Variants in SNX9 observed in about 807,000 individuals in gnomAD.
The protein encoded by SNX9 is sorting nexin-9.
SNX9 carries 44 observed loss-of-function variants against 89.4 expected under a neutral mutation model. The observed-to-expected ratio is 0.49, with a 90% CI of 0.39 to 0.63. The LOEUF (loss-of-function observed/expected upper bound fraction) is 0.63. Among genes scored for constraint, SNX9 ranks in the 30% least tolerant of loss-of-function variants. The probability of loss-of-function intolerance (pLI) is 0.00; values close to 1 mark genes in which losing one functional copy is unlikely to be tolerated. For synonymous variants in SNX9, 236 were observed against 247.8 expected (o/e 0.95, Z 0.45); for missense variants, 578 against 736.1 (o/e 0.79, Z 2.49).
intron 1 of SNX9, among the ~76,000 whole-genome samples, chr6:157,841,576 C>T (rs113502303): frequency 0.024 from 3,721 of 152,180 alleles, 80 homozygotes; most frequent in Non-Finnish European, 0.04. Flanking sequence ...GTGTGGGGAT[C>T]GGGGCCAGTG....
rs3838668 is a variant in SNX9, at chr6:157,907,278, TTTTG to T, written c.705+1082_705+1085del. On this transcript the variant is annotated intron_variant, in intron 7 of 17. Coordinates refer to ENST00000392185, the MANE Select transcript of SNX9 (RefSeq NM_016224.5). ...GCACAGCTCTGCCTCAGTTTTGTTT[TTTTG>T]TTTGTTTGTTTGTTTTTAAGACAGA... Among the ~76,000 whole-genome samples the T allele has an allele frequency of 1.6e-4, 25 of 151,676 alleles. 1 individual carries two copies. Among genetic ancestry groups the T allele is most frequent in the African/African-American group, 4.8e-4 (20 of 41,346 alleles).
intron 9 of SNX9, among the ~76,000 whole-genome samples, chr6:157,914,308 G>A (rs1203126299): frequency 6.6e-6 from 1 of 151,942 alleles, no homozygotes; most frequent in Non-Finnish European, 1.5e-5. Flanking sequence ...TGAAGCTTCT[G>A]TTCAGCTCTT....
In SNX9 at chr6:157,834,149, GGTTTTTTTT is replaced by G. The variant is rs1324969351; in HGVS notation, c.12+10704_12+10712del. ...GATCCTGCCATGTGGTGTCCACTGT[GGTTTTTTTT>G]TTTTTTTTTTTTTTTTTTTTTTTTT... On this transcript the variant is annotated intron_variant, in intron 1 of 17. Coordinates refer to ENST00000392185, the MANE Select transcript of SNX9 (RefSeq NM_016224.5). Among the ~76,000 whole-genome samples, 81 of 60,060 alleles carry G rather than the reference GGTTTTTTTT, an allele frequency of 1.3e-3. 5 individuals carry two copies. The highest frequency in any genetic ancestry group is 4.0e-3 in the African/African-American group (61 of 15,078). The allele number at this position is 60,060 out of a possible 152,430, so 39.4% of individuals were successfully genotyped here.
chr6:157,894,449 T>TA (rs1192203861), intron 4 of SNX9, among the ~76,000 whole-genome samples: 2 of 108,274 alleles, frequency 1.8e-5, no homozygotes, highest in Non-Finnish European at 3.6e-5. Context: ...TCCAGACAGA[T>TA]ACAAGATTTA....
At chr6:157,902,597 A>G (rs1261122062) in intron 6 of SNX9, among the ~76,000 whole-genome samples, 2 of 152,172 alleles carry the variant, frequency 1.3e-5, no homozygotes, top group Non-Finnish European at 2.9e-5. Context: ...TCCTGTGCCT[A>G]AAAACGTGGT....
At chr6:157,889,751 C>T (rs1782817444) in intron 4 of SNX9, among the ~76,000 whole-genome samples, 1 of 152,194 alleles carries the variant, frequency 6.6e-6, no homozygotes, top group Non-Finnish European at 1.5e-5. Flanking sequence ...GTAAATATAA[C>T]TGTCTGGTCT....
intron 9 of SNX9, among the ~76,000 whole-genome samples, chr6:157,915,517 G>A (rs1340996112): frequency 6.6e-6 from 1 of 150,406 alleles, no homozygotes. Context: ...CAGGCGCGGT[G>A]GCTCATGCCT....
chr6:157,927,095 A>G lies in SNX9; in HGVS notation c.1081-16A>G. 6.2e-7 allele frequency: 1 copy of G among 1,603,304 alleles called. No individual in the cohort carries two copies. The highest frequency in any genetic ancestry group is 8.5e-7 in the Non-Finnish European group (1 of 1,170,136). On this transcript the variant is annotated splice_polypyrimidine_tract_variant and intron_variant, in intron 10 of 17. Transcript: ENST00000392185. ...CTGTGCTCTCCACTTGAACCTTACAACATTCTCATTTACAGGAATGGAAAA... is the reference window on the plus strand; with the variant it reads ...CTGTGCTCTCCACTTGAACCTTACAGCATTCTCATTTACAGGAATGGAAAA...
chr6:157,841,012 C>T (rs926669141), intron 1 of SNX9, among the ~76,000 whole-genome samples: 2 of 152,136 alleles, frequency 1.3e-5, no homozygotes, highest in African/African-American at 2.4e-5. Flanking sequence ...ATTTCTCTTC[C>T]GATGAGGGTC....
intron 1 of SNX9, among the ~76,000 whole-genome samples, chr6:157,842,770 T>G (rs1010084818): frequency 3.3e-5 from 5 of 152,200 alleles, no homozygotes; most frequent in African/African-American, 1.2e-4. Context: ...TCTTAATCAC[T>G]GATCTTAGGT....
intron 2 of SNX9, among the ~76,000 whole-genome samples, chr6:157,870,808 C>A (rs556248205): frequency 3.3e-4 from 50 of 151,856 alleles, no homozygotes; most frequent in Non-Finnish European, 4.9e-4. Flanking sequence ...CACACACACC[C>A]CTCAGACACT....
At chr6:157,829,166 A>T (rs1254343833) in intron 1 of SNX9, 1 of 136,186 alleles carries the variant, frequency 7.3e-6, no homozygotes, top group Non-Finnish European at 1.5e-5. Flanking sequence ...TTTTTAAAAC[A>T]TAATCAATTT....
chr6:157,937,487 T>C lies in SNX9; in HGVS notation c.1497T>C (p.Phe499=), dbSNP rs1189014500. The stretch of plus-strand genomic sequence containing the variant: ...AATGTAATCACGAGTATAAAGGTTT[T>C]CTTGGCTGCTTCCCTGACATCATTG... ...LMECNHEYKG[F]LGCFPDIIGT... is the part of the protein sequence containing the mutation. Residue 499 remains phenylalanine, a synonymous_variant, in exon 15 of 18, where the codon TTT becomes TTC. Transcript: ENST00000392185. 3 of 1,613,966 alleles carry C rather than the reference T, an allele frequency of 1.9e-6. No homozygotes were observed. The highest frequency in any genetic ancestry group is 2.5e-6 in the Non-Finnish European group (3 of 1,179,960).
chr6:157,939,105 T>C (rs1412570725), intron 16 of SNX9, among the ~76,000 whole-genome samples: 6 of 151,504 alleles, frequency 4.0e-5, no homozygotes, highest in African/African-American at 1.5e-4. Context: ...TGTGAAGGGG[T>C]TTGGGTGTGT....
chr6:157,840,326 G>A (rs16900468), intron 1 of SNX9, among the ~76,000 whole-genome samples: 11,593 of 135,388 alleles, frequency 0.086, 889 homozygotes, highest in Middle Eastern at 0.14. Context: ...AGGCGACCAC[G>A]GGGGCTTTGA....
chr6:157,889,430 CAAAAAA>C (rs56303673), intron 4 of SNX9, among the ~76,000 whole-genome samples: 41 of 58,504 alleles, frequency 7.0e-4, no homozygotes, highest in Non-Finnish European at 1.4e-3. Flanking sequence ...GACCCTGTCT[CAAAAAA>C]AAAAAAAAAA....
rs1014883583 is a variant in SNX9, at chr6:157,823,342, GCC to G, written c.-91_-90del. 1.5e-5 allele frequency: 17 copies of G among 1,137,482 alleles called. No homozygotes were observed. The highest frequency in any genetic ancestry group is 1.9e-5 in the Non-Finnish European group (17 of 908,822). The allele number at this position is 1,137,482 out of a possible 1,614,324, so 70.5% of individuals were successfully genotyped here. ...GCGCCGGGGCCCAGCCGGAGCCGCC[GCC>G]CTCGCCCTTGCCTTTGCCTGCGCGG... On this transcript the variant is annotated 5_prime_UTR_variant, in exon 1 of 18. Transcript: ENST00000392185. This position sits in a 1 kb window ranked among gnomAD's most constrained non-coding sequence, Gnocchi z 4.6.
intron 4 of SNX9, chr6:157,885,509 T>G (rs1198442031): frequency 1.3e-5 from 2 of 152,338 alleles, no homozygotes; most frequent in East Asian, 3.9e-4. Flanking sequence ...GGAAAAGAGT[T>G]AAATTTTTGT....
intron 1 of SNX9, among the ~76,000 whole-genome samples, chr6:157,848,837 C>T (rs1008759764): frequency 1.3e-5 from 2 of 152,240 alleles, no homozygotes; most frequent in South Asian, 2.1e-4. Flanking sequence ...GATACGTAAC[C>T]GATTTTGCAC....
Sources: gnomAD v4.1 joint callset for allele counts (sites outside exome capture counted in the v4.1 genomes callset) on GRCh38, gnomAD v4.1.1 for gene constraint, Gnocchi (gnomAD v3.1) non-coding constraint, MANE v1.5 for transcripts, NCBI Gene and HGNC (gene_info 2026-07-23, HGNC 2026-07-21) for gene names.